Variants in VPS39 observed in about 807,000 individuals in gnomAD.
VPS39 encodes the protein vam6/Vps39-like protein.
In VPS39, 70 loss-of-function variants were observed where a neutral mutation model predicts 121.0. The observed-to-expected ratio is 0.58, with a 90% CI of 0.48 to 0.71. The LOEUF (loss-of-function observed/expected upper bound fraction) is 0.71. Among genes scored for constraint, VPS39 ranks in the 30% least tolerant of loss-of-function variants. VPS39 has a pLI of 0.00. For missense variants in VPS39, 818 were observed against 1,051.5 expected, an observed-to-expected ratio of 0.78 and a Z score of 3.07; for synonymous variants, 378 against 398.1, an observed-to-expected ratio of 0.95 and a Z score of 0.60.
intron 11 of VPS39, among the ~76,000 whole-genome samples, chr15:42,170,205 A>G (rs2049320461): frequency 6.6e-6 from 1 of 152,204 alleles, no homozygotes; most frequent in Non-Finnish European, 1.5e-5. Flanking sequence ...AGACTCAACA[A>G]TAAAAAATTT....
chr15:42,187,828 C>T lies in VPS39; in HGVS notation c.371G>A (p.Arg124Gln), dbSNP rs768205055. 18 of 1,614,042 alleles carry T rather than the reference C, an allele frequency of 1.1e-5. 1 individual carries two copies. Among genetic ancestry groups the T allele is most frequent in the Middle Eastern group, 1.6e-4 (1 of 6,084 alleles). The change falls in exon 6 of 25, where the codon CGG becomes CAG. Residue 124 changes from arginine to glutamine, a missense_variant. Arg to Gln is a conservative substitution (Grantham distance 43, BLOSUM62 1). Transcript: ENST00000318006. ...QHTETGEEVLRMCVAVKKKLQ... is the reference protein window; with the variant it reads ...QHTETGEEVLQMCVAVKKKLQ... ...CTTCTTTTTTACTGCCACACACATC[C>T]GTAACACCTCCTCACCGGTCTCTGT...
chr15:42,163,403 G>T lies in VPS39; in HGVS notation c.2130-8C>A, dbSNP rs1413642345. The T allele has an allele frequency of 1.2e-6, 2 of 1,614,054 alleles. No individual in the cohort carries two copies. Among genetic ancestry groups the T allele is most frequent in the Non-Finnish European group, 1.7e-6 (2 of 1,180,020 alleles). On this transcript the variant is annotated splice_polypyrimidine_tract_variant and splice_region_variant and intron_variant, in intron 20 of 24. Coordinates refer to ENST00000318006, the MANE Select transcript of VPS39 (RefSeq NM_015289.5). ...TAGTGTTTGTGGCAGTACCTGCAAG[G>T]GAGAGAGTGGTGAGAGCAGGTGGTG...
chr15:42,191,692 G>A (rs372495241), intron 2 of VPS39, 132 bp from the exon 3 acceptor site: 38 of 759,522 alleles, frequency 5.0e-5, no homozygotes, highest in South Asian at 3.8e-4. Context: ...AAAAATCAGA[G>A]ATCTAAATAG....
intron 10 of VPS39, among the ~76,000 whole-genome samples, chr15:42,175,599 T>C (rs2049437005): frequency 6.6e-6 from 1 of 152,064 alleles, no homozygotes; most frequent in African/African-American, 2.4e-5. Flanking sequence ...TCTTTCAAAA[T>C]GTCTCTCAAT....
chr15:42,187,237 A>C (rs764306176), intron 7 of VPS39, 34 bp downstream of exon 7: 5 of 1,541,514 alleles, frequency 3.2e-6, no homozygotes, highest in Non-Finnish European at 4.4e-6. Context: ...CCCCAAGATA[A>C]ACTAATGATA....
chr15:42,159,420 G>A lies in VPS39; in HGVS notation c.*1334C>T, dbSNP rs762121229. 2.0e-5 allele frequency: 3 copies of A among 152,216 alleles called. No homozygotes were observed. The highest frequency in any genetic ancestry group is 1.9e-4 in the East Asian group (1 of 5,192). The allele number at this position is 152,216 out of a possible 1,614,324, so 9.4% of individuals were successfully genotyped here. ...GAGACTTCGAGTCTGCAAAAACCCCGGGGAGGACAGGAGGCAGGGCCACTC... is the reference window on the plus strand; with the variant it reads ...GAGACTTCGAGTCTGCAAAAACCCCAGGGAGGACAGGAGGCAGGGCCACTC... On this transcript the variant is annotated 3_prime_UTR_variant, in exon 25 of 25. Transcript: ENST00000318006.
At chr15:42,191,673 T>G in intron 2 of VPS39, 113 bp from the exon 3 acceptor site, 1 of 899,310 alleles carries the variant, frequency 1.1e-6, no homozygotes, top group Non-Finnish European at 1.7e-6. Flanking sequence ...TGGAAGTTCC[T>G]GAAAGACTAA....
intron 1 of VPS39, among the ~76,000 whole-genome samples, chr15:42,200,778 T>C (rs2050050276): frequency 1.3e-5 from 2 of 152,204 alleles, no homozygotes; most frequent in Admixed American, 1.3e-4. Flanking sequence ...TTATCTGTAA[T>C]AGCTAAAAGA....
In VPS39 at chr15:42,163,791, T is replaced by C. The variant is rs752206725; in HGVS notation, c.2027-63A>G. The C allele has an allele frequency of 1.7e-5, 21 of 1,242,028 alleles. No individual in the cohort carries two copies. The East Asian group carries it at 4.5e-4, about 26-fold the overall frequency. The allele number at this position is 1,242,028 out of a possible 1,614,324, so 76.9% of individuals were successfully genotyped here. ...TCACGCAAGCACAAGGTGGGGGCTA[T>C]GCTGTCAGAGGAGTGGACACGAGGC... On this transcript the variant is annotated intron_variant, in intron 19 of 24. Coordinates refer to ENST00000318006, the MANE Select transcript of VPS39 (RefSeq NM_015289.5).
chr15:42,165,851 C>T, intron 16 of VPS39, 35 bp from the exon 17 acceptor site: 1 of 1,577,488 alleles, frequency 6.3e-7, no homozygotes, highest in Non-Finnish European at 8.7e-7. Flanking sequence ...GCAGCAGAAC[C>T]ATCTGACTGC....
intron 8 of VPS39, among the ~76,000 whole-genome samples, chr15:42,182,936 C>T (rs1278639163): frequency 1.3e-5 from 2 of 152,152 alleles, no homozygotes; most frequent in Non-Finnish European, 1.5e-5. Context: ...AAAACAAGGT[C>T]GCCTAGAACA....
At chr15:42,198,023 G>A (rs574605135) in intron 2 of VPS39, among the ~76,000 whole-genome samples, 12 of 152,194 alleles carry the variant, frequency 7.9e-5, no homozygotes, top group South Asian at 2.1e-4. Context: ...TACCTATGGC[G>A]AAACCAAGGC....
intron 12 of VPS39, 72 bp from the exon 13 acceptor site, chr15:42,167,609 C>T (rs1005971543): frequency 1.8e-5 from 29 of 1,567,782 alleles, no homozygotes; most frequent in Non-Finnish European, 2.3e-5. Context: ...CTGGGTAATT[C>T]TGAATACCTC....
chr15:42,181,743 T>A (rs1049559801), intron 8 of VPS39, among the ~76,000 whole-genome samples: 3 of 152,034 alleles, frequency 2.0e-5, no homozygotes, highest in Non-Finnish European at 4.4e-5. Flanking sequence ...TCTCTCTCTA[T>A]AGGCCCGGCT....
At chr15:42,175,960 T>G (rs2049443804) in intron 10 of VPS39, among the ~76,000 whole-genome samples, 1 of 152,194 alleles carries the variant, frequency 6.6e-6, no homozygotes, top group Non-Finnish European at 1.5e-5. Flanking sequence ...TGTCCCTCTC[T>G]GACACTTGGC....
chr15:42,203,364 C>T (rs968042074), intron 1 of VPS39, among the ~76,000 whole-genome samples: 5 of 152,002 alleles, frequency 3.3e-5, no homozygotes, highest in African/African-American at 1.2e-4. Context: ...ATCCCAGCTA[C>T]TCAGGAGACT....
At chr15:42,161,219 C>A in intron 24 of VPS39, 1 of 303,034 alleles carries the variant, frequency 3.3e-6, no homozygotes, top group Non-Finnish European at 6.3e-6. Context: ...AATATTTTTC[C>A]AGCTACATAA....
intron 6 of VPS39, 92 bp from the exon 7 acceptor site, chr15:42,187,455 C>T (rs1427979352): frequency 2.6e-6 from 3 of 1,160,042 alleles, no homozygotes; most frequent in Non-Finnish European, 3.7e-6. Flanking sequence ...TTCTGCAAAA[C>T]AACCCTCACC....
At chr15:42,164,545 T>A in intron 18 of VPS39, 59 bp from the exon 19 acceptor site, 1 of 1,595,744 alleles carries the variant, frequency 6.3e-7, no homozygotes, top group Non-Finnish European at 8.5e-7. Context: ...TGTAGGGTCA[T>A]CAAGAAAAAT....
Sources: allele counts gnomAD v4.1 joint callset (sites outside exome capture counted in the v4.1 genomes callset), GRCh38; gene constraint gnomAD v4.1.1; transcripts MANE v1.5; gene names NCBI Gene and HGNC (gene_info 2026-07-23, HGNC 2026-07-21).